Variants in SECISBP2 observed in about 807,000 individuals in gnomAD.
The protein encoded by SECISBP2 is SECIS binding protein 2.
Under a neutral mutation model 98.2 loss-of-function variants are expected in SECISBP2, and 96 were observed. The ratio of observed to expected loss-of-function variants is 0.98; its 90% CI spans 0.83 to 1.16. The LOEUF (loss-of-function observed/expected upper bound fraction) is 1.16. SECISBP2 is among the 50% of genes most tolerant of loss of function. SECISBP2 has a pLI of 0.00. For missense variants in SECISBP2, 1,046 were observed against 1,022.9 expected (o/e 1.02, Z -0.31); for synonymous variants, 407 against 370.2 (o/e 1.10, Z -1.14).
In SECISBP2 at chr9:89,319,668, C is replaced by T. The variant is rs1449904906; in HGVS notation, c.53C>T (p.Ala18Val). Residue 18 changes from alanine (A) to valine (V), a missense_variant, in exon 2 of 17, where the codon GCA (alanine) becomes GTA (valine). Coordinates refer to ENST00000375807, the MANE Select transcript of SECISBP2 (RefSeq NM_024077.5). The stretch of plus-strand genomic sequence containing the variant: ...TTTCCTCAGGGCATCAAGTTATCAG[C>T]AGATGTCAAACCATTTGTCCCCAGA... ...EPESEGIKLS[A>V]DVKPFVPRFA... The T allele has an allele frequency of 8.7e-6, 14 of 1,614,172 alleles. No homozygotes were observed. The highest frequency in any genetic ancestry group is 1.2e-5 in the Non-Finnish European group (14 of 1,180,026).
chr9:89,358,435 C>G (rs2132103688), intron 16 of SECISBP2, among the ~76,000 whole-genome samples: 1 of 152,118 alleles, frequency 6.6e-6, no homozygotes, highest in South Asian at 2.1e-4. Context: ...GATAGCTGTA[C>G]CCAAGACAGG....
intron 11 of SECISBP2, among the ~76,000 whole-genome samples, chr9:89,347,858 C>G (rs1331579119): frequency 6.6e-6 from 1 of 152,154 alleles, no homozygotes; most frequent in Non-Finnish European, 1.5e-5. Flanking sequence ...GCTCAGGGCT[C>G]TCCCCTGTGG....
At chr9:89,361,953 G>A (rs943099470), downstream of SECISBP2, 3 of 234,774 alleles carry the variant, frequency 1.3e-5, no homozygotes, top group African/African-American at 4.4e-5. Flanking sequence ...GCAGCGATCT[G>A]TGCTGGCCAT....
intron 1 of SECISBP2, 51 bp downstream of exon 1, chr9:89,318,663 C>T: frequency 7.3e-7 from 1 of 1,369,838 alleles, no homozygotes; most frequent in Non-Finnish European, 9.4e-7. Flanking sequence ...CCGCCTGCCT[C>T]GCACTGGGGG....
intron 2 of SECISBP2, chr9:89,325,173 G>T: frequency 1.8e-5 from 9 of 489,808 alleles, no homozygotes; most frequent in Non-Finnish European, 3.3e-5. Context: ...AAAGCTGCTG[G>T]AGCATCTTCT....
chr9:89,353,164 T>C (rs1282330866), intron 14 of SECISBP2, among the ~76,000 whole-genome samples: 3 of 151,874 alleles, frequency 2.0e-5, no homozygotes, highest in East Asian at 3.9e-4. Flanking sequence ...GATTCCAGAG[T>C]TTCTGCTTCA....
chr9:89,341,873 C>G (rs1052989555), intron 10 of SECISBP2, among the ~76,000 whole-genome samples: 6 of 152,162 alleles, frequency 3.9e-5, no homozygotes, highest in African/African-American at 1.2e-4. Context: ...GGTAAATCTT[C>G]ATGATCTTTT....
intron 9 of SECISBP2, among the ~76,000 whole-genome samples, chr9:89,340,364 A>G (rs987093589): frequency 1.3e-5 from 2 of 152,172 alleles, no homozygotes; most frequent in African/African-American, 4.8e-5. Flanking sequence ...TGTGAAGTCA[A>G]AATAGAAGCT....
At chr9:89,362,451 G>A (rs1230287917), downstream of SECISBP2, 1 of 1,613,864 alleles carries the variant, frequency 6.2e-7, no homozygotes, top group Non-Finnish European at 8.5e-7. Flanking sequence ...TGTGGTCTTT[G>A]AATCCTTGGT....
chr9:89,352,291 C>T (rs1831396882), intron 14 of SECISBP2, among the ~76,000 whole-genome samples: 1 of 152,234 alleles, frequency 6.6e-6, no homozygotes. Context: ...TCCCAGCTCA[C>T]TGCACCTCAT....
chr9:89,326,713 C>T (rs993066289), intron 4 of SECISBP2, among the ~76,000 whole-genome samples: 3 of 152,162 alleles, frequency 2.0e-5, no homozygotes, highest in Admixed American at 2.0e-4. Context: ...ATTGTGGGAA[C>T]ATTTAGAGTG....
intron 7 of SECISBP2, among the ~76,000 whole-genome samples, chr9:89,336,760 C>G (rs1460070974): frequency 1.7e-5 from 2 of 118,196 alleles, no homozygotes; most frequent in Non-Finnish European, 3.3e-5. Context: ...AGCCCACTGT[C>G]TAATTCTTTT....
intron 5 of SECISBP2, chr9:89,329,248 G>T (rs1397335757): frequency 3.8e-6 from 1 of 261,350 alleles, no homozygotes; most frequent in South Asian, 4.1e-5. Context: ...GAGTAGCTGG[G>T]ACTACGGGCG....
intron 10 of SECISBP2, 141 bp from the exon 11 acceptor site, chr9:89,346,741 G>C: frequency 2.5e-6 from 2 of 815,440 alleles, no homozygotes; most frequent in Non-Finnish European, 4.2e-6. Flanking sequence ...TCAAAGATGA[G>C]AAGGGTTGTG....
rs1196428954 is a variant in SECISBP2, at chr9:89,354,861, A to ACTTCATATGT, written c.2114-2547_2114-2538dup. The ACTTCATATGT allele has an allele frequency of 5.1e-5, 50 of 985,380 alleles. No individual in the cohort carries two copies. The African/African-American group carries it at 8.7e-4, about 17-fold the overall frequency. The allele number at this position is 985,380 out of a possible 1,614,324, so 61.0% of individuals were successfully genotyped here. A position where few individuals can be genotyped will look rare whatever the true frequency, so the allele number is the denominator to read the frequency against. The stretch of plus-strand genomic sequence containing the variant: ...AGAGATGCATCTGATGTTACGGGGG[A>ACTTCATATGT]CTTCATATGTCTCCCCTGACAAACT... On this transcript the variant is annotated intron_variant, in intron 14 of 16. Transcript: ENST00000375807.
chr9:89,346,728 T>G (rs1830472277), intron 10 of SECISBP2, among the ~76,000 whole-genome samples, 154 bp from the exon 11 acceptor site: 1 of 145,300 alleles, frequency 6.9e-6, no homozygotes, highest in African/African-American at 2.4e-5. Context: ...TAAGAGATTG[T>G]TCTCAAAGAT....
intron 2 of SECISBP2, among the ~76,000 whole-genome samples, chr9:89,320,317 C>T (rs1033090021): frequency 7.3e-6 from 1 of 137,414 alleles, no homozygotes; most frequent in African/African-American, 2.8e-5. Flanking sequence ...GATAGCACCA[C>T]TACACTCAAG....
chr9:89,345,644 G>A (rs560949831), intron 10 of SECISBP2, among the ~76,000 whole-genome samples: 171 of 152,336 alleles, frequency 1.1e-3, no homozygotes, highest in African/African-American at 4.0e-3. Flanking sequence ...CCCGGTGTCA[G>A]TGCTTTGTGA....
intron 1 of SECISBP2, chr9:89,319,160 G>A (rs2131496708): frequency 1.5e-6 from 1 of 668,494 alleles, no homozygotes; most frequent in Admixed American, 5.8e-5. Flanking sequence ...TTCTAGCAAA[G>A]CAAGGTTTGG....
Sources: allele counts gnomAD v4.1 joint callset (sites outside exome capture counted in the v4.1 genomes callset), GRCh38; gene constraint gnomAD v4.1.1; transcripts MANE v1.5; gene names NCBI Gene and HGNC (gene_info 2026-07-23, HGNC 2026-07-21).